Variants in C7 observed in about 807,000 individuals in gnomAD.
C7 encodes complement component C7.
A neutral mutation model predicts 104.8 loss-of-function variants in C7; 83 were observed. The ratio of observed to expected loss-of-function variants is 0.79; its 90% confidence interval spans 0.66 to 0.95. The LOEUF is 0.95. Among genes scored for constraint, C7 ranks in the 40% least tolerant of loss-of-function variants. C7 has a pLI of 0.00. For missense variants in C7, 1,070 were observed against 1,011.2 expected, an observed-to-expected ratio of 1.06 and a Z score of -0.79; for synonymous variants, 415 against 360.6, an observed-to-expected ratio of 1.15 and a Z score of -1.71.
In C7 at chr5:40,951,561, G is replaced by A. The variant is rs116417411; in HGVS notation, c.1093+1547G>A. ...GGGATCAATCACACTCCAAAGCTCAGTATCACATAATCCACCCAGGTAACA... is the reference window on the plus strand; with the variant it reads ...GGGATCAATCACACTCCAAAGCTCAATATCACATAATCCACCCAGGTAACA... On this transcript the variant is annotated intron_variant, in intron 9 of 17. Transcript: ENST00000313164. Among the ~76,000 whole-genome samples the A allele has an allele frequency of 9.4e-3, 1,429 of 152,242 alleles. 20 individuals carry two copies. The highest frequency in any genetic ancestry group is 0.033 in the African/African-American group (1,379 of 41,530).
intron 1 of C7, among the ~76,000 whole-genome samples, chr5:40,917,424 G>A (rs1486677231): frequency 6.6e-6 from 1 of 151,840 alleles, no homozygotes; most frequent in East Asian, 1.9e-4. Flanking sequence ...ATGTTATCTG[G>A]GTTAATCCAT....
intron 6 of C7, among the ~76,000 whole-genome samples, chr5:40,942,000 C>T (rs902237982): frequency 1.3e-5 from 2 of 152,130 alleles, no homozygotes; most frequent in Admixed American, 1.3e-4. Flanking sequence ...AAAAAGAAAA[C>T]TAGAAAGCCA....
Position 40,909,555 on chromosome 5 carries a change from C to G in C7, c.-56C>G, listed in dbSNP as rs779041347. The G allele has an allele frequency of 6.7e-6, 10 of 1,485,890 alleles. No individual in the cohort carries two copies. The highest frequency in any genetic ancestry group is 9.2e-6 in the Non-Finnish European group (10 of 1,086,730). The allele number at this position is 1,485,890 out of a possible 1,614,324, so 92.0% of individuals were successfully genotyped here. A position where few individuals can be genotyped will look rare whatever the true frequency, so the allele number is the denominator to read the frequency against. Reference sequence around the variant, plus strand: ...CTCTTCCTGCTGTTGAAAACTTACCCGGCCCTTACAGAGGAAATCTTCCTC... The same window carrying G: ...CTCTTCCTGCTGTTGAAAACTTACCGGGCCCTTACAGAGGAAATCTTCCTC... On this transcript the variant is annotated 5_prime_UTR_variant, in exon 1 of 18. Transcript: ENST00000313164.
At chr5:40,938,188 C>T (rs1255870633) in intron 6 of C7, among the ~76,000 whole-genome samples, 1 of 152,108 alleles carries the variant, frequency 6.6e-6, no homozygotes, top group Non-Finnish European at 1.5e-5. Context: ...CTTAAAGGCT[C>T]CTCTATGCCC....
intron 5 of C7, chr5:40,937,339 T>C: frequency 3.0e-6 from 1 of 330,392 alleles, no homozygotes; most frequent in Non-Finnish European, 5.4e-6. Context: ...AGCCATTAGT[T>C]TTAGTGATTA....
rs1413662662 is a variant in C7, at chr5:40,983,645, G to A, written c.*2072G>A. On this transcript the variant is annotated 3_prime_UTR_variant, in exon 18 of 18. Coordinates refer to ENST00000313164, the MANE Select transcript of C7 (RefSeq NM_000587.4). ...ATTCACAATTGCCTGTGGAGAATTA[G>A]GATTGTCGCAGCAGGTCAGCAAGGA... is the stretch of plus-strand genomic sequence containing the variant. 2.0e-5 allele frequency among the ~76,000 whole-genome samples: 3 copies of A among 152,060 alleles called. No individual in the cohort carries two copies. The highest frequency in any genetic ancestry group is 1.3e-4 in the Admixed American group (2 of 15,264).
intron 9 of C7, among the ~76,000 whole-genome samples, chr5:40,950,835 G>C (rs1336846466): frequency 6.6e-6 from 1 of 152,182 alleles, no homozygotes; most frequent in Non-Finnish European, 1.5e-5. Context: ...GTGCATGCTG[G>C]TTGGCAGTGG....
At position 40,982,482 on chromosome 5, in the gene C7, T is replaced by C. The variant is rs1057263210; in HGVS notation, c.*909T>C. The C allele has an allele frequency of 6.6e-6, 1 of 152,346 alleles. No homozygotes were observed. Among genetic ancestry groups the C allele is most frequent in the Non-Finnish European group, 1.5e-5 (1 of 68,050 alleles). The allele number at this position is 152,346 out of a possible 1,614,324, so 9.4% of individuals were successfully genotyped here. A position where few individuals can be genotyped will look rare whatever the true frequency, so the allele number is the denominator to read the frequency against. On this transcript the variant is annotated 3_prime_UTR_variant, in exon 18 of 18. Transcript: ENST00000313164. ...TTGTCGGGAGATTGAACCACTAAAA[T>C]GTTAGAGCAGAATTCATTATGCTGT...
intron 15 of C7, among the ~76,000 whole-genome samples, chr5:40,976,274 C>A (rs1427638969): frequency 6.6e-6 from 1 of 152,192 alleles, no homozygotes; most frequent in Non-Finnish European, 1.5e-5. Flanking sequence ...ATGGGCACAG[C>A]AGGCAGAATG....
At chr5:40,959,044 A>G (rs1001779299) in intron 11 of C7, among the ~76,000 whole-genome samples, 8 of 152,180 alleles carry the variant, frequency 5.3e-5, no homozygotes, top group African/African-American at 1.7e-4. Context: ...TACGACTGTG[A>G]TTCATTCCTT....
At chr5:40,940,006 T>A (rs560926919) in intron 6 of C7, among the ~76,000 whole-genome samples, 1 of 151,980 alleles carries the variant, frequency 6.6e-6, no homozygotes, top group Non-Finnish European at 1.5e-5. Context: ...CTGAGGGAAG[T>A]GAAGTGGAAG....
Position 40,964,020 on chromosome 5 carries a change from CTTTTTTTTTTTTTT to C in C7, c.1750-703_1750-690del, listed in dbSNP as rs869250524. Among the ~76,000 whole-genome samples the C allele has an allele frequency of 4.5e-4, 18 of 39,888 alleles. No homozygotes were observed. The South Asian group carries it at 4.9e-3, about 11-fold the overall frequency. 26.2% of individuals were successfully genotyped at this position (39,888 alleles called of 152,430 possible). On this transcript the variant is annotated intron_variant, in intron 13 of 17. Transcript: ENST00000313164. ...TATTGTCAATGAACAGCTCATAATA[CTTTTTTTTTTTTTT>C]TTTTTTTTTTTTTTTTTAGAGAGAG...
chr5:40,934,234 T>TC, intron 3 of C7, 91 bp from the exon 4 acceptor site: 4 of 1,272,012 alleles, frequency 3.1e-6, no homozygotes, highest in Non-Finnish European at 4.1e-6. Flanking sequence ...TATTACTTTT[T>TC]CTCAGATTTT....
At chr5:40,919,313 C>T (rs368717470) in intron 1 of C7, among the ~76,000 whole-genome samples, 4 of 151,908 alleles carry the variant, frequency 2.6e-5, no homozygotes, top group Admixed American at 6.6e-5. Context: ...TTAGTAGAGA[C>T]GGGGTTTCAC....
intron 10 of C7, among the ~76,000 whole-genome samples, chr5:40,957,746 G>C (rs1242853717): frequency 4.1e-5 from 6 of 145,272 alleles, no homozygotes; most frequent in Non-Finnish European, 9.0e-5. Flanking sequence ...GTGAGTCATC[G>C]CGCCTGGGCT....
At chr5:40,974,418 T>C in intron 15 of C7, among the ~76,000 whole-genome samples, 1 of 112,284 alleles carries the variant, frequency 8.9e-6, no homozygotes, top group South Asian at 3.0e-4. Flanking sequence ...GACATTATAA[T>C]ACATTTTTTT....
At position 40,984,080 on chromosome 5, in the gene C7, A is replaced by C. The variant is rs533710333; in HGVS notation, c.*2507A>C. Among the ~76,000 whole-genome samples, 1 of 152,260 alleles carries C rather than the reference A, an allele frequency of 6.6e-6. No homozygotes were observed. The highest frequency in any genetic ancestry group is 6.5e-5 in the Admixed American group (1 of 15,290). On this transcript the variant is annotated 3_prime_UTR_variant, in exon 18 of 18. Transcript: ENST00000313164. ...GACGCTACAAGTTACCTGGGCAGAG[A>C]AGGTGCCTGAGAATATTTCCTAATC...
chr5:40,947,303 T>C (rs899113407), intron 7 of C7, among the ~76,000 whole-genome samples: 1 of 151,774 alleles, frequency 6.6e-6, no homozygotes, highest in African/African-American at 2.4e-5. Flanking sequence ...TTTCATCATG[T>C]TGGCCAGGCT....
At chr5:40,924,444 C>G (rs773624196) in intron 1 of C7, among the ~76,000 whole-genome samples, 2 of 152,198 alleles carry the variant, frequency 1.3e-5, no homozygotes, top group Non-Finnish European at 2.9e-5. Context: ...TTTCCAAGCT[C>G]AATATGCAAG....
Sources: gnomAD v4.1 joint callset for allele counts (sites outside exome capture counted in the v4.1 genomes callset) on GRCh38, gnomAD v4.1.1 for gene constraint, MANE v1.5 for transcripts, NCBI Gene and HGNC (gene_info 2026-07-23, HGNC 2026-07-21) for gene names.